Variants in ZNF248 observed in about 807,000 individuals in gnomAD.
The protein encoded by ZNF248 is zinc finger protein 248.
In ZNF248, 20 loss-of-function variants were observed where a neutral mutation model predicts 44.3. The observed-to-expected ratio is 0.45, with a 90% CI of 0.32 to 0.66. The LOEUF (loss-of-function observed/expected upper bound fraction) is 0.66, where lower values mean the gene tolerates loss of function less well. ZNF248 is among the 30% of genes least tolerant of loss of function. ZNF248 has a pLI of 0.04. For missense variants in ZNF248, 654 were observed against 677.0 expected, an observed-to-expected ratio of 0.97 and a Z score of 0.38; for synonymous variants, 224 against 229.0, an observed-to-expected ratio of 0.98 and a Z score of 0.20.
At chr10:37,768,941 T>A in the ZNF248 span, among the ~76,000 whole-genome samples, 3 of 151,918 alleles carry the variant, frequency 2.0e-5, no homozygotes, top group Non-Finnish European at 4.4e-5. Context: ...AAAGGGGATA[T>A]CACCACTGAT....
In ZNF248 at chr10:37,832,844, A is replaced by G. The variant is rs761285342; in HGVS notation, c.511T>C (p.Cys171Arg). 2 of 1,613,882 alleles carry G rather than the reference A, an allele frequency of 1.2e-6. No individual in the cohort carries two copies. Among genetic ancestry groups the G allele is most frequent in the Admixed American group, 1.7e-5 (1 of 59,988 alleles). ...SRKKPDEFNV[C>R]EKLLLDIRHE... is the part of the protein sequence containing the mutation. ...CTAATATCAAGGAGCAATTTCTCAC[A>G]TACATTAAACTCATCAGGCTTCTTT... The change falls in exon 6 of 6, where the codon TGT becomes CGT. Residue 171 changes from cysteine to arginine, a missense_variant. Cys to Arg is a radical substitution (Grantham distance 180). Transcript: ENST00000395867.
intron 4 of ZNF248, 99 bp from the exon 5 acceptor site, chr10:37,837,811 C>A: frequency 7.2e-7 from 1 of 1,381,580 alleles, no homozygotes; most frequent in Non-Finnish European, 1.0e-6. Context: ...ACCAGCTACT[C>A]AAAGAATGTG....
the ZNF248 span, among the ~76,000 whole-genome samples, chr10:37,769,036 T>C: frequency 6.6e-6 from 1 of 152,032 alleles, no homozygotes; most frequent in South Asian, 2.1e-4. Flanking sequence ...AATGGAAAAA[T>C]TCCTCGACAC....
At chr10:37,818,357 C>A (rs2052887355) in intron 6 of ZNF248, among the ~76,000 whole-genome samples, 1 of 152,148 alleles carries the variant, frequency 6.6e-6, no homozygotes, top group Non-Finnish European at 1.5e-5. Context: ...CAGCCATACA[C>A]AGTGGCCATT....
At chr10:37,834,054 A>G (rs1329521154) in intron 5 of ZNF248, among the ~76,000 whole-genome samples, 3 of 152,220 alleles carry the variant, frequency 2.0e-5, no homozygotes, top group East Asian at 1.9e-4. Flanking sequence ...CCCTAATAAC[A>G]TACCTTCCAC....
In ZNF248 at chr10:37,830,228, T is replaced by C. The variant is rs1008490975; in HGVS notation, c.*1387A>G. The C allele has an allele frequency of 3.2e-5, 32 of 985,388 alleles. No individual in the cohort carries two copies. The highest frequency in any genetic ancestry group is 6.1e-5 in the Admixed American group (1 of 16,272). The allele number at this position is 985,388 out of a possible 1,614,324, so 61.0% of individuals were successfully genotyped here. ...GCATAATTTATGTAAAAACCATTCT[T>C]ATTAACAACATTTACATTACAGAAT... On this transcript the variant is annotated 3_prime_UTR_variant, in exon 6 of 6. Transcript: ENST00000395867.
At chr10:37,819,822 G>C in intron 6 of ZNF248, 1 of 787,040 alleles carries the variant, frequency 1.3e-6, no homozygotes. Flanking sequence ...GGAGGTTTCC[G>C]CTTTGCTAAC....
rs2055115702 is a variant in ZNF248, at chr10:37,829,744, CAG to C, written c.*1869_*1870del. The C allele has an allele frequency of 2.0e-6, 2 of 985,150 alleles. No individual in the cohort carries two copies. The highest frequency in any genetic ancestry group is 4.7e-5 in the South Asian group (1 of 21,290). The allele number at this position is 985,150 out of a possible 1,614,324, so 61.0% of individuals were successfully genotyped here. A position where few individuals can be genotyped will look rare whatever the true frequency, so the allele number is the denominator to read the frequency against. On this transcript the variant is annotated 3_prime_UTR_variant, in exon 6 of 6. Transcript: ENST00000395867. ...ATGTTACAGACATGAAAAAGCCCAGCAGAGTCTCTTCTCATGTCATGACAATG... is the reference window on the plus strand; with the variant it reads ...ATGTTACAGACATGAAAAAGCCCAGCAGTCTCTTCTCATGTCATGACAATG...
At position 37,832,306 on chromosome 10, in the gene ZNF248, T is replaced by G; in HGVS notation, c.1049A>C (p.Lys350Thr). Residue 350 changes from lysine (K) to threonine (T), a missense_variant, in exon 6 of 6, where the codon AAG (lysine) becomes ACG (threonine). Coordinates refer to ENST00000395867, the MANE Select transcript of ZNF248 (RefSeq NM_021045.3). Reference sequence around the variant, plus strand: ...CCCATTTTCATTGTAATCATAAGACTTTCCCCCCATGTGTACTATTTGATG... The same window carrying G: ...CCCATTTTCATTGTAATCATAAGACGTTCCCCCCATGTGTACTATTTGATG... Reference protein sequence around the residue: ...LKHQIVHMGGKSYDYNENGSN... With the variant: ...LKHQIVHMGGTSYDYNENGSN... The G allele has an allele frequency of 6.2e-7, 1 of 1,614,062 alleles. No individual in the cohort carries two copies. The highest frequency in any genetic ancestry group is 8.5e-7 in the Non-Finnish European group (1 of 1,179,958).
At position 37,828,982 on chromosome 10, in the gene ZNF248, A is replaced by G. The variant is rs1336170254; in HGVS notation, c.*2633T>C. 4 of 985,476 alleles carry G rather than the reference A, an allele frequency of 4.1e-6. No individual in the cohort carries two copies. In the South Asian group the frequency reaches 1.4e-4, roughly 35 times the overall value. 61.0% of individuals were successfully genotyped at this position (985,476 alleles called of 1,614,324 possible). A position where few individuals can be genotyped will look rare whatever the true frequency, so the allele number is the denominator to read the frequency against. ...GAAACACTTAACTTGCAACTAGTAGAATAACTTTATTTCTAACACTGAGCC... is the reference window on the plus strand; with the variant it reads ...GAAACACTTAACTTGCAACTAGTAGGATAACTTTATTTCTAACACTGAGCC... On this transcript the variant is annotated 3_prime_UTR_variant, in exon 6 of 6. Transcript: ENST00000395867.
At position 37,856,303 on chromosome 10, in the gene ZNF248, T is replaced by G; in HGVS notation, c.8A>C (p.Lys3Thr). The G allele has an allele frequency of 3.1e-6, 5 of 1,613,672 alleles. No individual in the cohort carries two copies. Among genetic ancestry groups the G allele is most frequent in the Non-Finnish European group, 4.2e-6 (5 of 1,179,748 alleles). Residue 3 changes from lysine (K) to threonine (T), a missense_variant, in exon 3 of 6, where the codon AAA (lysine) becomes ACA (threonine). Lys to Thr is a moderately conservative substitution (Grantham distance 78). Transcript: ENST00000395867. ...AAGAAACAAGAATCTCACCTGGGAT[T>G]TGTTCATTTTCCGCTCTTAGTGGAG... MNKSQEQVSFKDV... is the reference protein window; with the variant it reads MNTSQEQVSFKDV...
chr10:37,843,843 A>AT (rs1292515641), intron 3 of ZNF248, among the ~76,000 whole-genome samples: 1 of 152,182 alleles, frequency 6.6e-6, no homozygotes, highest in Non-Finnish European at 1.5e-5. Flanking sequence ...GAATATAAAA[A>AT]TTGAAGTAAT....
chr10:37,816,917 C>T (rs147776846), intron 6 of ZNF248, among the ~76,000 whole-genome samples: 8 of 152,188 alleles, frequency 5.3e-5, no homozygotes, highest in African/African-American at 1.7e-4. Flanking sequence ...GGAACCTCCA[C>T]ACTACTAAGT....
chr10:37,831,859 T>C lies in ZNF248; in HGVS notation c.1496A>G (p.Lys499Arg). Residue 499 changes from lysine (K) to arginine (R), a missense_variant, in exon 6 of 6, where the codon AAA becomes AGA. Transcript: ENST00000395867. The part of the protein sequence containing the change: ...EKPFICNECG[K>R]SFCVKSNLIV... Reference sequence around the variant, plus strand: ...GAGGTTTGACTTCACACAGAAGGATTTTCCACATTCATTACATATAAACGG... The same window carrying C: ...GAGGTTTGACTTCACACAGAAGGATCTTCCACATTCATTACATATAAACGG... 1.9e-6 allele frequency: 3 copies of C among 1,614,092 alleles called. No homozygotes were observed. Among genetic ancestry groups the C allele is most frequent in the Non-Finnish European group, 1.7e-6 (2 of 1,179,968 alleles).
At chr10:37,800,884 C>G (rs1469475054) in intron 6 of ZNF248, among the ~76,000 whole-genome samples, 1 of 151,982 alleles carries the variant, frequency 6.6e-6, no homozygotes, top group Non-Finnish European at 1.5e-5. Flanking sequence ...GCCTCAGCCT[C>G]CCAACTAGCT....
At position 37,829,706 on chromosome 10, in the gene ZNF248, A is replaced by G. The variant is rs2055106882; in HGVS notation, c.*1909T>C. The G allele has an allele frequency of 1.0e-6, 1 of 985,410 alleles. No homozygotes were observed. Among genetic ancestry groups the G allele is most frequent in the East Asian group, 1.1e-4 (1 of 8,798 alleles). 61.0% of individuals were successfully genotyped at this position (985,410 alleles called of 1,614,324 possible). A position where few individuals can be genotyped will look rare whatever the true frequency, so the allele number is the denominator to read the frequency against. ...CTACTGCCCTTCAGAGATAAAAACGATAAGCCAATACCATGTTACAGACAT... is the reference window on the plus strand; with the variant it reads ...CTACTGCCCTTCAGAGATAAAAACGGTAAGCCAATACCATGTTACAGACAT... On this transcript the variant is annotated 3_prime_UTR_variant, in exon 6 of 6. Coordinates refer to ENST00000395867, the MANE Select transcript of ZNF248 (RefSeq NM_021045.3).
At chr10:37,780,701 G>T (rs2047186332) in intron 6 of ZNF248, among the ~76,000 whole-genome samples, 1 of 152,068 alleles carries the variant, frequency 6.6e-6, no homozygotes. Flanking sequence ...CGCGGGGCCT[G>T]GACGCGCGCG....
At chr10:37,767,537 G>A in the ZNF248 span, among the ~76,000 whole-genome samples, 2 of 152,144 alleles carry the variant, frequency 1.3e-5, no homozygotes, top group African/African-American at 4.8e-5. Context: ...CTTCATAAGT[G>A]AAGGAGAAAT....
chr10:37,856,549 T>A lies in ZNF248; in HGVS notation c.-125-17A>T. 2 of 1,193,918 alleles carry A rather than the reference T, an allele frequency of 1.7e-6. No homozygotes were observed. Among genetic ancestry groups the A allele is most frequent in the Non-Finnish European group, 1.0e-6 (1 of 963,290 alleles). The allele number at this position is 1,193,918 out of a possible 1,614,324, so 74.0% of individuals were successfully genotyped here. A position where few individuals can be genotyped will look rare whatever the true frequency, so the allele number is the denominator to read the frequency against. ...ATTTAGGTTCTGTGACACAGAAAAA[T>A]TAAAAACATGAAAAGATGAGTTTAA... On this transcript the variant is annotated splice_polypyrimidine_tract_variant and intron_variant, in intron 1 of 5. Transcript: ENST00000395867.
Sources: gnomAD v4.1 joint callset for allele counts (sites outside exome capture counted in the v4.1 genomes callset) on GRCh38, gnomAD v4.1.1 for gene constraint, MANE v1.5 for transcripts, NCBI Gene and HGNC (gene_info 2026-07-23, HGNC 2026-07-21) for gene names.